Variants in RCAN1 observed in about 807,000 individuals in gnomAD.
RCAN1 encodes regulator of calcineurin 1.
In RCAN1, 11 loss-of-function variants were observed where a neutral mutation model predicts 22.9. The observed-to-expected ratio is 0.48, with a 90% CI of 0.30 to 0.79. The LOEUF is 0.79. Among genes scored for constraint, RCAN1 ranks in the 30% least tolerant of loss-of-function variants. RCAN1 has a pLI of 0.06. For missense variants in RCAN1, 291 were observed against 337.8 expected, an observed-to-expected ratio of 0.86 and a Z score of 1.09; for synonymous variants, 136 against 142.3, an observed-to-expected ratio of 0.96 and a Z score of 0.32.
At chr21:34,557,757 C>G (rs1410986088) in intron 1 of RCAN1, among the ~76,000 whole-genome samples, 1 of 152,194 alleles carries the variant, frequency 6.6e-6, no homozygotes, top group African/African-American at 2.4e-5. Flanking sequence ...TTAACAGCCA[C>G]TAGTGATGAA....
chr21:34,519,484 C>T (rs575885064), intron 3 of RCAN1, among the ~76,000 whole-genome samples: 5 of 150,340 alleles, frequency 3.3e-5, no homozygotes, highest in South Asian at 2.1e-4. Flanking sequence ...GTGCAACCTC[C>T]GCCTCCCAGG....
At chr21:34,541,701 G>A (rs12627312) in intron 1 of RCAN1, among the ~76,000 whole-genome samples, 36,374 of 152,160 alleles carry the variant, frequency 0.24, 5,053 homozygotes, top group African/African-American at 0.38. Context: ...TTGGGAGGCC[G>A]AGGTGGGTGG....
intron 1 of RCAN1, among the ~76,000 whole-genome samples, chr21:34,530,616 G>GTTGTTTTTTT (rs1985325221): frequency 1.4e-4 from 9 of 66,224 alleles, no homozygotes; most frequent in African/African-American, 4.3e-4. Flanking sequence ...TAGTGAAATA[G>GTTGTTTTTTT]TTTTTTTTTT....
intron 1 of RCAN1, among the ~76,000 whole-genome samples, chr21:34,547,964 G>A (rs1986213039): frequency 6.6e-6 from 1 of 152,198 alleles, no homozygotes; most frequent in African/African-American, 2.4e-5. Flanking sequence ...TTAGGGTTAG[G>A]TGAAGTCAGG....
At chr21:34,577,867 C>T (rs542744517) in intron 1 of RCAN1, among the ~76,000 whole-genome samples, 49 of 152,262 alleles carry the variant, frequency 3.2e-4, no homozygotes, top group African/African-American at 1.1e-3. Context: ...TCCCCACTTT[C>T]TAGCACAAAC....
chr21:34,561,074 C>A (rs1313254361), intron 1 of RCAN1, among the ~76,000 whole-genome samples: 1 of 152,094 alleles, frequency 6.6e-6, no homozygotes, highest in East Asian at 1.9e-4. Context: ...CTATCATTTC[C>A]CCTGCTTGCA....
chr21:34,607,451 G>A (rs891317488), intron 1 of RCAN1, among the ~76,000 whole-genome samples: 19 of 151,612 alleles, frequency 1.3e-4, no homozygotes, highest in Non-Finnish European at 2.8e-4. Flanking sequence ...GTGCAGTGGC[G>A]CAATCTCAGC....
At chr21:34,581,318 GC>G (rs1377378932) in intron 1 of RCAN1, among the ~76,000 whole-genome samples, 1 of 152,180 alleles carries the variant, frequency 6.6e-6, no homozygotes, top group Non-Finnish European at 1.5e-5. Context: ...AACTGCCTCT[GC>G]TTAGGCAGTT....
At chr21:34,573,054 C>G (rs563263734) in intron 1 of RCAN1, among the ~76,000 whole-genome samples, 1 of 152,278 alleles carries the variant, frequency 6.6e-6, no homozygotes, top group South Asian at 2.1e-4. Context: ...TATCTGGACT[C>G]TCCTCCTAGA....
chr21:34,551,801 ATCTT>A (rs1986378368), intron 1 of RCAN1, among the ~76,000 whole-genome samples: 1 of 152,106 alleles, frequency 6.6e-6, no homozygotes, highest in East Asian at 1.9e-4. Flanking sequence ...TAAAAAAAAA[ATCTT>A]AGAATGAAGA....
chr21:34,583,903 CAT>C lies in RCAN1; in HGVS notation c.252+30855_252+30856del, dbSNP rs748548204. On this transcript the variant is annotated intron_variant, in intron 1 of 3. Transcript: ENST00000313806. ...CACCCTCCTATATCACACACACACA[CAT>C]ACACACACACACAATTTATTATTAC... Among the ~76,000 whole-genome samples, 81 of 152,122 alleles carry C rather than the reference CAT, an allele frequency of 5.3e-4. 1 individual carries two copies. Among genetic ancestry groups the C allele is most frequent in the Non-Finnish European group, 1.0e-3 (70 of 68,010 alleles).
chr21:34,565,777 T>C (rs62211865), intron 1 of RCAN1, among the ~76,000 whole-genome samples: 36,842 of 152,068 alleles, frequency 0.24, 5,201 homozygotes, highest in African/African-American at 0.39. Flanking sequence ...CTCGGCAAAA[T>C]GTGTGGCTTA....
intron 1 of RCAN1, among the ~76,000 whole-genome samples, chr21:34,597,385 C>A (rs1265149579): frequency 6.6e-6 from 1 of 152,200 alleles, no homozygotes; most frequent in Non-Finnish European, 1.5e-5. Flanking sequence ...GTGGACAGTG[C>A]GGATACAGGA....
chr21:34,575,519 T>A (rs754347357), intron 1 of RCAN1, among the ~76,000 whole-genome samples: 43 of 152,290 alleles, frequency 2.8e-4, no homozygotes, highest in South Asian at 4.1e-4. Flanking sequence ...TGTTTTTTAT[T>A]TCATTTAGAT....
intron 1 of RCAN1, among the ~76,000 whole-genome samples, chr21:34,582,245 C>G (rs950099595): frequency 3.2e-4 from 48 of 152,128 alleles, no homozygotes; most frequent in African/African-American, 1.2e-3. Flanking sequence ...TACTGGGCAC[C>G]TAGTGGTAAA....
chr21:34,610,854 A>G (rs936548866), intron 1 of RCAN1, among the ~76,000 whole-genome samples: 5 of 152,238 alleles, frequency 3.3e-5, no homozygotes, highest in African/African-American at 1.2e-4. Context: ...TTGTTATTAA[A>G]AGAAAGTCAT....
intron 1 of RCAN1, among the ~76,000 whole-genome samples, chr21:34,524,874 C>CGG (rs1383971343): frequency 6.6e-6 from 1 of 152,190 alleles, no homozygotes; most frequent in African/African-American, 2.4e-5. Flanking sequence ...GCCACTGCAA[C>CGG]TCCTCAGAGA....
At chr21:34,540,940 G>A (rs973515998) in intron 1 of RCAN1, among the ~76,000 whole-genome samples, 6 of 151,842 alleles carry the variant, frequency 4.0e-5, no homozygotes, top group African/African-American at 9.7e-5. Flanking sequence ...AGCCGAGATC[G>A]CACCACTGTA....
At chr21:34,567,286 G>C (rs1461250906) in intron 1 of RCAN1, among the ~76,000 whole-genome samples, 1 of 152,196 alleles carries the variant, frequency 6.6e-6, no homozygotes, top group African/African-American at 2.4e-5. Flanking sequence ...AGGAGGTCAG[G>C]AGAATCGAGA....
Sources: gnomAD v4.1 joint callset for allele counts (sites outside exome capture counted in the v4.1 genomes callset) on GRCh38, gnomAD v4.1.1 for gene constraint, MANE v1.5 for transcripts, NCBI Gene and HGNC (gene_info 2026-07-23, HGNC 2026-07-21) for gene names.